RIMS2: variants seen among roughly 807,000 people sequenced by gnomAD.
RIMS2 encodes the protein regulating synaptic membrane exocytosis 2, also known as regulating synaptic membrane exocytosis protein 2.
Under a neutral mutation model 174.4 loss-of-function variants are expected in RIMS2, and 59 were observed. The observed-to-expected ratio is 0.34, with a 90% CI of 0.27 to 0.42. The LOEUF is 0.42. Ranked by LOEUF, RIMS2 falls within the 10% of genes least tolerant of loss-of-function variation. The pLI is 1.00. For missense variants in RIMS2, 1,620 were observed against 1,666.3 expected (o/e 0.97, Z 0.48); for synonymous variants, 606 against 572.5 (o/e 1.06, Z -0.84).
At chr8:104,150,496 A>G (rs71520868) in intron 19 of RIMS2, among the ~76,000 whole-genome samples, 1,551 of 152,258 alleles carry the variant, frequency 0.01, 11 homozygotes, top group Middle Eastern at 0.027. Flanking sequence ...GAGGAAGGCC[A>G]CTTGACTCAA....
intron 19 of RIMS2, among the ~76,000 whole-genome samples, chr8:104,062,125 G>A (rs921065218): frequency 2.0e-5 from 3 of 152,036 alleles, no homozygotes; most frequent in African/African-American, 4.8e-5. Context: ...ATTAAAATTG[G>A]TCAGGCGCAG....
At chr8:103,926,467 G>C (rs7813602) in intron 10 of RIMS2, among the ~76,000 whole-genome samples, 3,637 of 151,618 alleles carry the variant, frequency 0.024, 163 homozygotes, top group African/African-American at 0.083. Context: ...CAGAGACAGA[G>C]AGAGAGAGAT....
chr8:103,975,560 C>A, intron 16 of RIMS2, 54 bp downstream of exon 18: 2 of 1,308,492 alleles, frequency 1.5e-6, no homozygotes, highest in Non-Finnish European at 2.2e-6. Flanking sequence ...TCAGTGTTCT[C>A]CAGAGGGACA....
intron 1 of RIMS2, among the ~76,000 whole-genome samples, chr8:103,553,137 A>G (rs1432489048): frequency 2.0e-5 from 3 of 152,094 alleles, no homozygotes; most frequent in African/African-American, 7.2e-5. Context: ...CTATAAAGAC[A>G]CATGCACATG....
At chr8:103,935,873 C>A (rs1157913752) in intron 12 of RIMS2, among the ~76,000 whole-genome samples, 2 of 152,046 alleles carry the variant, frequency 1.3e-5, no homozygotes, top group Non-Finnish European at 2.9e-5. Flanking sequence ...TATGGTAACA[C>A]ATGTACAGAG....
At chr8:104,170,239 G>A (rs2098824303) in intron 19 of RIMS2, among the ~76,000 whole-genome samples, 1 of 151,948 alleles carries the variant, frequency 6.6e-6, no homozygotes, top group Admixed American at 6.6e-5. Flanking sequence ...TCCGTCTTGA[G>A]GATCTGTCTA....
At chr8:104,237,736 T>G (rs2099266132) in intron 19 of RIMS2, among the ~76,000 whole-genome samples, 1 of 152,190 alleles carries the variant, frequency 6.6e-6, no homozygotes, top group Non-Finnish European at 1.5e-5. Flanking sequence ...ATCTCAATTT[T>G]TGTTTTAATT....
At chr8:103,949,643 C>G (rs1480232273) in intron 14 of RIMS2, among the ~76,000 whole-genome samples, 1 of 152,030 alleles carries the variant, frequency 6.6e-6, no homozygotes. Flanking sequence ...TAAAGCAGAA[C>G]AGTAGGGAAA....
At chr8:104,020,465 TA>T (rs2096059923) in intron 19 of RIMS2, among the ~76,000 whole-genome samples, 1 of 152,066 alleles carries the variant, frequency 6.6e-6, no homozygotes, top group Admixed American at 6.5e-5. Flanking sequence ...ATCCAGTATT[TA>T]AAATGTCTAT....
At chr8:103,619,397 G>T (rs1276599422) in intron 1 of RIMS2, among the ~76,000 whole-genome samples, 1 of 151,918 alleles carries the variant, frequency 6.6e-6, no homozygotes, top group Non-Finnish European at 1.5e-5. Context: ...TGTCTTATTA[G>T]AGAAATTATG....
At chr8:103,964,900 T>G (rs192094078) in intron 15 of RIMS2, among the ~76,000 whole-genome samples, 1 of 152,310 alleles carries the variant, frequency 6.6e-6, no homozygotes, top group African/African-American at 2.4e-5. Flanking sequence ...CACCATTTGT[T>G]GAAAAGACCA....
intron 16 of RIMS2, among the ~76,000 whole-genome samples, chr8:103,982,438 T>TA (rs57698633): frequency 0.018 from 1,582 of 86,210 alleles, 25 homozygotes; most frequent in African/African-American, 0.056. Context: ...CAAAGACACA[T>TA]AAAAAAAAAA....
At chr8:103,837,015 G>T (rs1421115372) in intron 3 of RIMS2, among the ~76,000 whole-genome samples, 1 of 152,164 alleles carries the variant, frequency 6.6e-6, no homozygotes, top group African/African-American at 2.4e-5. Flanking sequence ...TTTTATGACG[G>T]TTAATACAAA....
At chr8:103,792,744 G>A (rs1211450958) in intron 3 of RIMS2, among the ~76,000 whole-genome samples, 6 of 150,968 alleles carry the variant, frequency 4.0e-5, no homozygotes, top group Admixed American at 2.6e-4. Context: ...AAATGAGAAA[G>A]TGGATGTCAC....
At chr8:103,929,324 A>T (rs909567717) in intron 11 of RIMS2, among the ~76,000 whole-genome samples, 1 of 151,768 alleles carries the variant, frequency 6.6e-6, no homozygotes, top group African/African-American at 2.4e-5. Context: ...TATATATCTC[A>T]AATGCTAGTT....
At chr8:104,243,545 G>C (rs915494001) in intron 19 of RIMS2, among the ~76,000 whole-genome samples, 2 of 152,094 alleles carry the variant, frequency 1.3e-5, no homozygotes, top group Non-Finnish European at 2.9e-5. Flanking sequence ...AATTAGAAGG[G>C]CATGGTGGTG....
chr8:103,533,661 CAAAAAAAAAAA>C (rs34355378), intron 1 of RIMS2, among the ~76,000 whole-genome samples: 2 of 66,088 alleles, frequency 3.0e-5, no homozygotes, highest in Non-Finnish European at 2.9e-5. Context: ...GACCCTGTCT[CAAAAAAAAAAA>C]AAAAAAAAAA....
At chr8:104,081,933 G>A (rs2097427825) in intron 19 of RIMS2, among the ~76,000 whole-genome samples, 1 of 152,022 alleles carries the variant, frequency 6.6e-6, no homozygotes, top group Non-Finnish European at 1.5e-5. Context: ...GTGGTTATAT[G>A]AGTCTTCTTT....
intron 4 of RIMS2, among the ~76,000 whole-genome samples, chr8:103,898,043 T>A (rs1175672629): frequency 6.6e-6 from 1 of 151,610 alleles, no homozygotes; most frequent in African/African-American, 2.4e-5. Context: ...TGGTGGTAGG[T>A]ACAAGAGGTA....
Sources: gnomAD v4.1 joint callset for allele counts (sites outside exome capture counted in the v4.1 genomes callset) on GRCh38, gnomAD v4.1.1 for gene constraint, MANE v1.5 for transcripts, NCBI Gene and HGNC (gene_info 2026-07-23, HGNC 2026-07-21) for gene names.